The following KIAA1217 variants were observed in gnomAD, a reference collection of about 807,000 sequenced individuals.
The protein encoded by KIAA1217 is KIAA1217, also known as sickle tail protein homolog.
In KIAA1217, 88 loss-of-function variants were observed where a neutral mutation model predicts 163.9. The ratio of observed to expected loss-of-function variants is 0.54; its 90% CI spans 0.45 to 0.64. KIAA1217 has a LOEUF of 0.64. Ranked by LOEUF, KIAA1217 falls within the 30% of genes least tolerant of loss-of-function variation. The pLI is 0.00. For missense variants in KIAA1217, 2,372 were observed against 2,475.0 expected (o/e 0.96, Z 0.88); for synonymous variants, 903 against 923.1 (o/e 0.98, Z 0.39).
chr10:23,971,885 T>C (rs748714769), intron 1 of KIAA1217, among the ~76,000 whole-genome samples: 2 of 152,204 alleles, frequency 1.3e-5, no homozygotes, highest in Admixed American at 6.5e-5. Flanking sequence ...ATAAAAACCC[T>C]GGTTTCCACA....
intron 2 of KIAA1217, among the ~76,000 whole-genome samples, chr10:24,142,516 G>A (rs554110981): frequency 2.6e-5 from 4 of 152,098 alleles, no homozygotes; most frequent in African/African-American, 7.2e-5. Flanking sequence ...CACACTATTC[G>A]AGTGATGAGT....
At chr10:23,831,765 T>C (rs1392310410) in intron 1 of KIAA1217, among the ~76,000 whole-genome samples, 1 of 152,204 alleles carries the variant, frequency 6.6e-6, no homozygotes, top group Admixed American at 6.6e-5. Flanking sequence ...TATAAATGTC[T>C]ACCTTTTGAG....
intron 1 of KIAA1217, among the ~76,000 whole-genome samples, chr10:23,999,904 TA>T (rs555255483): frequency 5.3e-5 from 8 of 151,492 alleles, no homozygotes; most frequent in Admixed American, 2.6e-4. Context: ...TACTAAAAAT[TA>T]AAAAAAATAA....
chr10:23,790,705 A>AT lies in KIAA1217; in HGVS notation c.-321+95472dup, dbSNP rs1491247700. Among the ~76,000 whole-genome samples the AT allele has an allele frequency of 7.5e-3, 839 of 111,912 alleles. 16 individuals are homozygous for AT. The highest frequency in any genetic ancestry group is 0.03 in the African/African-American group (673 of 22,534). The allele number at this position is 111,912 out of a possible 152,430, so 73.4% of individuals were successfully genotyped here. A position where few individuals can be genotyped will look rare whatever the true frequency, so the allele number is the denominator to read the frequency against. On this transcript the variant is annotated intron_variant, in intron 1 of 18. Transcript: ENST00000376462. ...AATATGTATGTATATATACACACAC[A>AT]TATATATATGTATGTATGTATGTAT...
At chr10:23,844,278 C>T (rs554490450) in intron 1 of KIAA1217, among the ~76,000 whole-genome samples, 1 of 152,088 alleles carries the variant, frequency 6.6e-6, no homozygotes, top group East Asian at 1.9e-4. Flanking sequence ...CCCTTTTATT[C>T]TCTTTGTGAG....
chr10:24,110,314 T>C (rs1269177470), intron 2 of KIAA1217, among the ~76,000 whole-genome samples: 2 of 152,194 alleles, frequency 1.3e-5, no homozygotes, highest in African/African-American at 4.8e-5. Context: ...TAGTCTATTC[T>C]GTCACTTTAT....
chr10:24,356,435 C>T (rs987036442), intron 2 of KIAA1217, among the ~76,000 whole-genome samples: 1 of 152,218 alleles, frequency 6.6e-6, no homozygotes, highest in African/African-American at 2.4e-5. Context: ...AGAGCTCCTG[C>T]CCATTAGTCT....
At chr10:23,719,774 T>G (rs1837766627) in intron 1 of KIAA1217, among the ~76,000 whole-genome samples, 5 of 151,566 alleles carry the variant, frequency 3.3e-5, no homozygotes, top group Admixed American at 1.3e-4. Flanking sequence ...AAAAATTAGC[T>G]GGGAGTAGTG....
At chr10:23,790,020 C>T (rs1180086335) in intron 1 of KIAA1217, among the ~76,000 whole-genome samples, 1 of 121,902 alleles carries the variant, frequency 8.2e-6, no homozygotes. Context: ...CACATATACA[C>T]ATATGCATAT....
intron 1 of KIAA1217, among the ~76,000 whole-genome samples, chr10:23,713,989 T>C (rs536395130): frequency 1.3e-5 from 2 of 152,240 alleles, no homozygotes; most frequent in African/African-American, 4.8e-5. Context: ...ACCTTTAATA[T>C]GTGCAAATCT....
intron 2 of KIAA1217, among the ~76,000 whole-genome samples, chr10:24,016,611 G>T (rs1299292970): frequency 1.3e-5 from 2 of 152,046 alleles, no homozygotes; most frequent in African/African-American, 4.8e-5. Flanking sequence ...GTAGTATATT[G>T]TAGTATAGTA....
chr10:24,446,661 T>A (rs1438137121), intron 5 of KIAA1217, among the ~76,000 whole-genome samples: 1 of 152,246 alleles, frequency 6.6e-6, no homozygotes, highest in Non-Finnish European at 1.5e-5. Context: ...ACTCATGCAA[T>A]GACAACGGTA....
At chr10:24,436,572 C>T (rs1376073045) in intron 4 of KIAA1217, among the ~76,000 whole-genome samples, 3 of 151,116 alleles carry the variant, frequency 2.0e-5, no homozygotes, top group Non-Finnish European at 4.4e-5. Flanking sequence ...TCCTGGTTAA[C>T]ACAGTGAAAA....
intron 1 of KIAA1217, among the ~76,000 whole-genome samples, chr10:23,873,726 C>T (rs1043747714): frequency 6.6e-6 from 1 of 151,928 alleles, no homozygotes; most frequent in African/African-American, 2.4e-5. Context: ...CTGTCTCACT[C>T]GCCATCTATC....
chr10:24,108,034 A>G (rs1365291295), intron 2 of KIAA1217, among the ~76,000 whole-genome samples: 2 of 152,202 alleles, frequency 1.3e-5, no homozygotes, highest in Non-Finnish European at 2.9e-5. Context: ...GTCTACAGGC[A>G]CACAACAAGC....
intron 2 of KIAA1217, among the ~76,000 whole-genome samples, chr10:24,093,581 G>A (rs1385812689): frequency 1.3e-5 from 2 of 151,630 alleles, no homozygotes; most frequent in African/African-American, 4.9e-5. Context: ...TGGGATTACA[G>A]GTGTGAGCCA....
intron 2 of KIAA1217, among the ~76,000 whole-genome samples, chr10:24,059,966 G>C (rs1309490678): frequency 6.6e-6 from 1 of 152,208 alleles, no homozygotes; most frequent in Non-Finnish European, 1.5e-5. Context: ...TTGGCATACA[G>C]TAGTCTCTTA....
chr10:23,944,331 A>G (rs941813089), intron 1 of KIAA1217, among the ~76,000 whole-genome samples: 8 of 151,620 alleles, frequency 5.3e-5, no homozygotes, highest in African/African-American at 1.9e-4. Context: ...TGACTGAGGC[A>G]GGAGAATCAC....
intron 2 of KIAA1217, among the ~76,000 whole-genome samples, chr10:24,303,172 C>T (rs1226658345): frequency 6.6e-6 from 1 of 152,008 alleles, no homozygotes; most frequent in Non-Finnish European, 1.5e-5. Flanking sequence ...CACCACCAAG[C>T]CCAGTTAATT....
Sources: allele counts gnomAD v4.1 joint callset (sites outside exome capture counted in the v4.1 genomes callset), GRCh38; gene constraint gnomAD v4.1.1; transcripts MANE v1.5; gene names NCBI Gene and HGNC (gene_info 2026-07-23, HGNC 2026-07-21).